The following ADGRB1 variants were observed in gnomAD, a reference collection of about 807,000 sequenced individuals.
The protein encoded by ADGRB1 is adhesion G protein-coupled receptor B1.
Under a neutral mutation model 175.7 loss-of-function variants are expected in ADGRB1, and 36 were observed. The observed-to-expected ratio is 0.20, with a 90% CI of 0.16 to 0.27. The LOEUF is 0.27. ADGRB1 is among the 10% of genes least tolerant of loss of function. The probability of loss-of-function intolerance (pLI) is 1.00; values close to 1 mark genes in which losing one functional copy is unlikely to be tolerated. For missense variants in ADGRB1, 1,731 were observed against 2,255.3 expected (o/e 0.77, Z 4.71); for synonymous variants, 1,054 against 979.4 (o/e 1.08, Z -1.42).
chr8:142,489,165 G>T, intron 15 of ADGRB1, 55 bp downstream of exon 15: 1 of 1,551,660 alleles, frequency 6.4e-7, no homozygotes, highest in East Asian at 2.3e-5. Context: ...GGGTGGGCAG[G>T]ACCCCAGCCA....
Position 142,528,062 on chromosome 8 carries a change from C to T in ADGRB1, c.3398+1435C>T, listed in dbSNP as rs140401552. ...GTGGCCGTGTAGGTCTCGCCGCCCACGTAGACGGGATGGAGGTTGGGGTGG... is the reference window on the plus strand; with the variant it reads ...GTGGCCGTGTAGGTCTCGCCGCCCATGTAGACGGGATGGAGGTTGGGGTGG... On this transcript the variant is annotated intron_variant, in intron 24 of 30. Coordinates refer to ENST00000517894, the MANE Select transcript of ADGRB1 (RefSeq NM_001702.3). Among the ~76,000 whole-genome samples the T allele has an allele frequency of 6.5e-3, 980 of 150,524 alleles. 5 individuals are homozygous for T. The highest frequency in any genetic ancestry group is 9.0e-3 in the Non-Finnish European group (610 of 67,408).
rs1400127008 is a variant in ADGRB1, at chr8:142,449,987, A to T, written c.-337A>T. 6.8e-6 allele frequency: 1 copy of T among 147,336 alleles called. No individual in the cohort carries two copies. The highest frequency in any genetic ancestry group is 2.1e-4 in the East Asian group (1 of 4,840). 9.1% of individuals were successfully genotyped at this position (147,336 alleles called of 1,614,324 possible). ...GGCCGGGGGCGGCGGCGGCTGGAGG[A>T]GCCCCCCCCACCTCCGGTCGGGCGC... On this transcript the variant is annotated 5_prime_UTR_variant, in exon 1 of 31. Coordinates refer to ENST00000517894, the MANE Select transcript of ADGRB1 (RefSeq NM_001702.3).
chr8:142,527,433 G>A (rs1201838901), intron 24 of ADGRB1, among the ~76,000 whole-genome samples: 10 of 152,134 alleles, frequency 6.6e-5, no homozygotes, highest in African/African-American at 2.4e-4. Flanking sequence ...GGCTCCTCCT[G>A]CTGTCCCCAG....
intron 9 of ADGRB1, 145 bp downstream of exon 9, chr8:142,479,939 G>A (rs1031697063): frequency 1.3e-5 from 11 of 845,632 alleles, no homozygotes; most frequent in East Asian, 8.0e-5. Flanking sequence ...TGGTGGGGCC[G>A]CGAGCCCAGG....
intron 2 of ADGRB1, among the ~76,000 whole-genome samples, chr8:142,465,267 G>A (rs1483878037): frequency 1.3e-5 from 2 of 152,226 alleles, no homozygotes; most frequent in African/African-American, 2.4e-5. Flanking sequence ...GGGCCAGCCC[G>A]GGCACACGGC....
At position 142,526,507 on chromosome 8, in the gene ADGRB1, C is replaced by A; in HGVS notation, c.3313-35C>A. The A allele has an allele frequency of 5.4e-6, 7 of 1,298,604 alleles. No individual in the cohort carries two copies. In the South Asian group the frequency reaches 6.3e-5, roughly 12 times the overall value. 80.4% of individuals were successfully genotyped at this position (1,298,604 alleles called of 1,614,324 possible). Reference sequence around the variant, plus strand: ...TCAGCCCCTGAGCCTACGGCGGCCCCCACCCCCACACCCCCACCACTCTCT... The same window carrying A: ...TCAGCCCCTGAGCCTACGGCGGCCCACACCCCCACACCCCCACCACTCTCT... On this transcript the variant is annotated intron_variant, in intron 23 of 30. Transcript: ENST00000517894.
In ADGRB1 at chr8:142,481,709, C is replaced by T; in HGVS notation, c.2128C>T (p.Gln710Ter). The T allele has an allele frequency of 6.4e-7, 1 of 1,558,824 alleles. No homozygotes were observed. Among genetic ancestry groups the T allele is most frequent in the Non-Finnish European group, 8.7e-7 (1 of 1,147,678 alleles). ...CTACAGCCCCACCCCTGGGGACGTA[C>T]AGGTGGGCTCCCCGAGCGGCATTTT... ...AYYSPTPGDV[Q>*]NFVQILSNLL... Residue 710 changes from glutamine to a stop codon, truncating the protein, a stop_gained and splice_region_variant, in exon 11 of 31, where the codon CAG (glutamine) becomes TAG (stop). Coordinates refer to ENST00000517894, the MANE Select transcript of ADGRB1 (RefSeq NM_001702.3). LOFTEE classifies it high-confidence loss of function.
At position 142,522,669 on chromosome 8, in the gene ADGRB1, T is replaced by C. The variant is rs1189882597; in HGVS notation, c.3204T>C (p.Ser1068=). ...WGLPALVVAI[S]VGFTKAKGYS... is the part of the protein sequence containing the mutation. ...TCCCTGCACTGGTTGTGGCCATTTCTGTGGGATTCACCAAGGCCAAAGGGT... is the reference window on the plus strand; with the variant it reads ...TCCCTGCACTGGTTGTGGCCATTTCCGTGGGATTCACCAAGGCCAAAGGGT... The change falls in exon 22 of 31, where the codon TCT becomes TCC. Residue 1068 remains serine (S), a synonymous_variant. Transcript: ENST00000517894. 6.4e-7 allele frequency: 1 copy of C among 1,563,902 alleles called. No individual in the cohort carries two copies. The highest frequency in any genetic ancestry group is 2.3e-5 in the East Asian group (1 of 42,762).
chr8:142,478,470 T>G, intron 7 of ADGRB1, 110 bp downstream of exon 7: 1 of 1,272,462 alleles, frequency 7.9e-7, no homozygotes, highest in South Asian at 1.5e-5. Flanking sequence ...GGCATGTGAC[T>G]GAGGAGGGAG....
At chr8:142,477,006 C>T (rs910005307) in intron 4 of ADGRB1, 108 bp from the exon 5 acceptor site, 16 of 1,385,658 alleles carry the variant, frequency 1.2e-5, no homozygotes, top group Middle Eastern at 5.2e-4. Context: ...CTGCCCCAGC[C>T]CCGCTGCCTG....
In ADGRB1 at chr8:142,511,044, GC is replaced by G; in HGVS notation, c.2790del (p.Ile931SerfsTer2). The G allele has an allele frequency of 7.7e-7, 1 of 1,291,578 alleles. No homozygotes were observed. The highest frequency in any genetic ancestry group is 2.8e-5 in the Admixed American group (1 of 35,678). The allele number at this position is 1,291,578 out of a possible 1,614,324, so 80.0% of individuals were successfully genotyped here. On this transcript the variant is annotated frameshift_variant, in exon 18 of 31. Coordinates refer to ENST00000517894, the MANE Select transcript of ADGRB1 (RefSeq NM_001702.3). LOFTEE classifies it high-confidence loss of function. This position sits in a 1 kb window ranked among gnomAD's most constrained non-coding sequence, Gnocchi z 4.5. ...RCLCDRLSTF[A>X]ILAQLSADAN... is the part of the protein sequence containing the mutation. ...CCTCTGTGACCGGCTCTCCACCTTC[GC>G]CATCTTAGCCCAGCTCAGCGCCGAC... is the stretch of plus-strand genomic sequence containing the variant.
chr8:142,488,256 C>T, intron 13 of ADGRB1, 108 bp from the exon 14 acceptor site: 1 of 1,457,856 alleles, frequency 6.9e-7, no homozygotes, highest in East Asian at 2.3e-5. Context: ...CACCCCGCGG[C>T]ATCAGCCTGC....
In ADGRB1 at chr8:142,455,887, A is replaced by C. The variant is rs1307795161; in HGVS notation, c.-220+5783A>C. Among the ~76,000 whole-genome samples the C allele has an allele frequency of 6.6e-6, 1 of 152,154 alleles. No individual in the cohort carries two copies. Among genetic ancestry groups the C allele is most frequent in the Non-Finnish European group, 1.5e-5 (1 of 68,004 alleles). ...TTGGGCCAGCACCTCTCTGAGGCTA[A>C]GTTGGCATCTCTGTGACAGGAGGGT... is the stretch of plus-strand genomic sequence containing the variant. On this transcript the variant is annotated intron_variant, in intron 1 of 30. Transcript: ENST00000517894. The surrounding 1 kb of genome is among the most constrained non-coding windows in gnomAD (Gnocchi z 4.9).
chr8:142,506,931 A>G (rs1842878748), intron 17 of ADGRB1, among the ~76,000 whole-genome samples: 1 of 152,156 alleles, frequency 6.6e-6, no homozygotes. Context: ...CTGGCTCAGG[A>G]TGGGTCTCAG....
At chr8:142,538,024 G>A (rs975705378) in intron 26 of ADGRB1, among the ~76,000 whole-genome samples, 4 of 152,164 alleles carry the variant, frequency 2.6e-5, no homozygotes, top group Non-Finnish European at 5.9e-5. Flanking sequence ...CAGCATCCAC[G>A]CCCTGGCCTG....
chr8:142,522,619 C>T (rs905232050), intron 21 of ADGRB1, 22 bp from the exon 22 acceptor site: 1 of 1,543,380 alleles, frequency 6.5e-7, no homozygotes, highest in Non-Finnish European at 8.7e-7. Flanking sequence ...GGGCCAACAC[C>T]CTCTCTCTGC....
At chr8:142,539,451 G>T (rs747040941) in intron 27 of ADGRB1, 38 bp downstream of exon 27, 2 of 1,593,264 alleles carry the variant, frequency 1.3e-6, no homozygotes, top group East Asian at 2.3e-5. Flanking sequence ...TGCCAGCCCG[G>T]CCCCCTGCAT....
At chr8:142,456,581 C>A (rs904783928) in intron 1 of ADGRB1, among the ~76,000 whole-genome samples, 1 of 152,248 alleles carries the variant, frequency 6.6e-6, no homozygotes, top group Non-Finnish European at 1.5e-5. Context: ...CACGCACACA[C>A]GCACACATAT....
chr8:142,516,582 G>A (rs935477981), intron 18 of ADGRB1, among the ~76,000 whole-genome samples: 3 of 139,448 alleles, frequency 2.2e-5, no homozygotes, highest in Admixed American at 1.4e-4. Flanking sequence ...GGGCCCCAGG[G>A]GCATGCGTGT....
Sources: allele counts gnomAD v4.1 joint callset (sites outside exome capture counted in the v4.1 genomes callset), GRCh38; gene constraint gnomAD v4.1.1; non-coding constraint Gnocchi (gnomAD v3.1); transcripts MANE v1.5; gene names NCBI Gene and HGNC (gene_info 2026-07-23, HGNC 2026-07-21).